The following NXPE1 variants were observed in gnomAD, a reference collection of about 807,000 sequenced individuals.
The protein encoded by NXPE1 is NXPE family member 1.
In NXPE1, 31 loss-of-function variants were observed where a neutral mutation model predicts 33.3. The ratio of observed to expected loss-of-function variants is 0.93; its 90% CI spans 0.70 to 1.26. The LOEUF (loss-of-function observed/expected upper bound fraction) is 1.26. NXPE1 is among the 50% of genes most tolerant of loss of function. The probability of loss-of-function intolerance (pLI) is 0.00; values close to 1 mark genes in which losing one functional copy is unlikely to be tolerated. For missense variants in NXPE1, 661 were observed against 655.6 expected (o/e 1.01, Z -0.09); for synonymous variants, 229 against 231.4 (o/e 0.99, Z 0.09).
chr11:114,522,633 G>A (rs1393582758), intron 8 of NXPE1, 130 bp from the exon 9 acceptor site: 2 of 796,292 alleles, frequency 2.5e-6, no homozygotes, highest in Non-Finnish European at 3.9e-6. Context: ...ACTCTCTAGG[G>A]TACAGTACCC....
intron 1 of NXPE1, among the ~76,000 whole-genome samples, chr11:114,557,551 A>C (rs1178911440): frequency 1.3e-5 from 2 of 150,352 alleles, no homozygotes; most frequent in African/African-American, 4.9e-5. Flanking sequence ...TTAGCCTCCC[A>C]TGTAGCTGGG....
chr11:114,526,779 A>G (rs1947382077), intron 7 of NXPE1: 1 of 152,192 alleles, frequency 6.6e-6, no homozygotes, highest in Non-Finnish European at 1.5e-5. Context: ...ACAAGGAATA[A>G]TTTTTTAGTG....
rs144535714 is a variant in NXPE1, at chr11:114,557,967, TC to T, written c.-211+1830del. ...GCACTTTGAATATGTTACCTCATTT[TC>T]CTTCTATTTCCCTAACTGCCCTTTG... On this transcript the variant is annotated intron_variant, in intron 1 of 8. Transcript: ENST00000534921. Among the ~76,000 whole-genome samples, 47 of 152,160 alleles carry T rather than the reference TC, an allele frequency of 3.1e-4. 1 individual carries two copies. The highest frequency in any genetic ancestry group is 8.7e-4 in the African/African-American group (36 of 41,552).
intron 1 of NXPE1, among the ~76,000 whole-genome samples, chr11:114,554,973 T>A (rs1257178388): frequency 3.9e-5 from 6 of 152,084 alleles, no homozygotes; most frequent in Non-Finnish European, 8.8e-5. Flanking sequence ...ACACCCTAAC[T>A]AGATAGTTAC....
At chr11:114,533,021 G>A (rs1947641825) in intron 5 of NXPE1, among the ~76,000 whole-genome samples, 1 of 152,138 alleles carries the variant, frequency 6.6e-6, no homozygotes, top group African/African-American at 2.4e-5. Flanking sequence ...AAAAGTCAAG[G>A]AGGCAAGGAT....
In NXPE1 at chr11:114,533,572, G is replaced by A. The variant is rs566090206; in HGVS notation, c.100-2664C>T. ...GGTGACAGATGGCACCTGGAAAATC[G>A]GGTCACTCCCACCCTAATACTGCGC... is the stretch of plus-strand genomic sequence containing the variant. On this transcript the variant is annotated intron_variant, in intron 5 of 8. Transcript: ENST00000534921. Among the ~76,000 whole-genome samples the A allele has an allele frequency of 3.9e-5, 6 of 152,298 alleles. No homozygotes were observed. In the South Asian group the frequency reaches 6.2e-4, roughly 16 times the overall value.
chr11:114,537,742 T>G, intron 5 of NXPE1, among the ~76,000 whole-genome samples: 1 of 151,468 alleles, frequency 6.6e-6, no homozygotes, highest in South Asian at 2.1e-4. Context: ...AAGGACCTCT[T>G]CAAGGAGAAC....
At chr11:114,553,743 C>G in intron 1 of NXPE1, 1 of 985,358 alleles carries the variant, frequency 1.0e-6, no homozygotes, top group Non-Finnish European at 1.2e-6. Flanking sequence ...TAAGATGCCT[C>G]CATTTGGAAA....
intron 5 of NXPE1, among the ~76,000 whole-genome samples, chr11:114,549,669 A>G (rs1316679624): frequency 6.6e-6 from 1 of 152,092 alleles, no homozygotes; most frequent in Non-Finnish European, 1.5e-5. Flanking sequence ...CAAAATCAGG[A>G]ACAAGACAAG....
exon 6 of NXPE1, chr11:114,530,475 A>G: frequency 1.2e-6 from 2 of 1,614,216 alleles, no homozygotes; most frequent in Non-Finnish European, 1.7e-6. Flanking sequence ...CAGCAGAGAC[A>G]GGGAGACCTG....
chr11:114,534,061 C>G (rs578094901), intron 5 of NXPE1, among the ~76,000 whole-genome samples: 16 of 152,326 alleles, frequency 1.1e-4, no homozygotes, highest in African/African-American at 3.8e-4. Context: ...ACACCTCACA[C>G]TGCCGGGTAC....
At chr11:114,530,651 G>T in exon 6 of NXPE1, 2 of 1,614,178 alleles carry the variant, frequency 1.2e-6, no homozygotes, top group Non-Finnish European at 1.7e-6. Context: ...CCAGTAGGAT[G>T]TCCAGCTGGT....
rs187869960 is a variant in NXPE1, at chr11:114,535,346, A to G, written c.100-4438T>C. Among the ~76,000 whole-genome samples, 16 of 152,360 alleles carry G rather than the reference A, an allele frequency of 1.1e-4. No homozygotes were observed. The East Asian group carries it at 1.3e-3, about 13-fold the overall frequency. ...AAAAACAAGCCAAATTGTAAAGAATATCAAGGCTAGGAAGAAACTACATCA... is the reference window on the plus strand; with the variant it reads ...AAAAACAAGCCAAATTGTAAAGAATGTCAAGGCTAGGAAGAAACTACATCA... On this transcript the variant is annotated intron_variant, in intron 5 of 8. Transcript: ENST00000534921.
intron 5 of NXPE1, among the ~76,000 whole-genome samples, chr11:114,535,381 C>A (rs1158491137): frequency 2.0e-5 from 3 of 152,124 alleles, no homozygotes; most frequent in East Asian, 1.9e-4. Context: ...AACTAACGAG[C>A]AAAATAACCA....
chr11:114,536,300 T>A (rs1947820244), intron 5 of NXPE1, among the ~76,000 whole-genome samples: 1 of 152,192 alleles, frequency 6.6e-6, no homozygotes, highest in South Asian at 2.1e-4. Context: ...GAGGGAAATT[T>A]ATAGCACTAA....
intron 5 of NXPE1, among the ~76,000 whole-genome samples, chr11:114,545,891 A>G (rs1316282419): frequency 1.3e-5 from 2 of 151,886 alleles, no homozygotes; most frequent in African/African-American, 4.8e-5. Flanking sequence ...GAATGTCACC[A>G]TGTTGGCCAG....
At chr11:114,535,706 G>A (rs1271126597) in intron 5 of NXPE1, among the ~76,000 whole-genome samples, 2 of 152,110 alleles carry the variant, frequency 1.3e-5, no homozygotes, top group Admixed American at 1.3e-4. Context: ...TAATGGTAAA[G>A]GAATCAATTC....
Position 114,549,991 on chromosome 11 carries a change from A to T in NXPE1, c.99+1112T>A, listed in dbSNP as rs547826963. ...TATGGCAGCAAAATGATAATAAAAT[A>T]CTTAAGTGTACATTTAGCACACGTG... On this transcript the variant is annotated intron_variant, in intron 5 of 8. Transcript: ENST00000534921. Among the ~76,000 whole-genome samples, 1,118 of 152,196 alleles carry T rather than the reference A, an allele frequency of 7.3e-3. 10 individuals are homozygous for T. Among genetic ancestry groups the T allele is most frequent in the Non-Finnish European group, 0.011 (739 of 67,958 alleles).
At chr11:114,542,413 T>C (rs1303576603) in intron 5 of NXPE1, among the ~76,000 whole-genome samples, 2 of 152,114 alleles carry the variant, frequency 1.3e-5, no homozygotes, top group East Asian at 1.9e-4. Context: ...ACCAACATAA[T>C]TGAAAAGTTT....
Sources: gnomAD v4.1 joint callset for allele counts (sites outside exome capture counted in the v4.1 genomes callset) on GRCh38, gnomAD v4.1.1 for gene constraint, MANE v1.5 for transcripts, NCBI Gene and HGNC (gene_info 2026-07-23, HGNC 2026-07-21) for gene names.